The following HECTD3 variants were observed in gnomAD, a reference collection of about 807,000 sequenced individuals.
HECTD3 encodes the protein HECT domain E3 ubiquitin protein ligase 3.
In HECTD3, 72 loss-of-function variants were observed where a neutral mutation model predicts 109.3. The observed-to-expected ratio is 0.66, with a 90% confidence interval of 0.54 to 0.80. The LOEUF is 0.80. Among genes scored for constraint, HECTD3 ranks in the 30% least tolerant of loss-of-function variants. HECTD3 has a pLI of 0.00. For missense variants in HECTD3, 1,041 were observed against 1,165.2 expected (o/e 0.89, Z 1.55); for synonymous variants, 481 against 471.8 (o/e 1.02, Z -0.25).
At position 45,011,241 on chromosome 1, in the gene HECTD3, G is replaced by A. The variant is rs1024728376; in HGVS notation, c.17C>T (p.Pro6Leu). The change falls in exon 1 of 21, where the codon CCG (proline) becomes CTG (leucine). Residue 6 changes from proline (P) to leucine (L), a missense_variant. Around this residue, in one of 2 missense-constraint regions of HECTD3, gnomAD observed 472 missense variants for 449.9 expected, o/e 1.05. Transcript: ENST00000372172. Reference sequence around the variant, plus strand: ...CCGGGGGGACTCCAGCACCGCGCCCGGGCCAGGACCCGCCATGGCGAAGTG... The same window carrying A: ...CCGGGGGGACTCCAGCACCGCGCCCAGGCCAGGACCCGCCATGGCGAAGTG... MAGPGPGAVLESPRQL... is the reference protein window; with the variant it reads MAGPGLGAVLESPRQL... 3 of 1,366,570 alleles carry A rather than the reference G, an allele frequency of 2.2e-6. No individual in the cohort carries two copies. Among genetic ancestry groups the A allele is most frequent in the Admixed American group, 3.9e-5 (1 of 25,926 alleles). The allele number at this position is 1,366,570 out of a possible 1,614,324, so 84.7% of individuals were successfully genotyped here.
Position 45,010,908 on chromosome 1 carries a change from A to C in HECTD3, c.350T>G (p.Leu117Arg), listed in dbSNP as rs1644785357. ...TGEELCNGHGLWVKLTKEQLA... is the reference protein window; with the variant it reads ...TGEELCNGHGRWVKLTKEQLA... The stretch of plus-strand genomic sequence containing the variant: ...GCGCACCTTTGTCAGCTTCACCCAG[A>C]GCCCGTGGCCATTGCACAGCTCCTC... Residue 117 changes from leucine (L) to arginine (R), a missense_variant, in exon 1 of 21, where the codon CTC becomes CGC. Leu to Arg is a moderately radical substitution (Grantham distance 102, BLOSUM62 -2). Transcript: ENST00000372172. 1 of 1,540,234 alleles carries C rather than the reference A, an allele frequency of 6.5e-7. No individual in the cohort carries two copies. The highest frequency in any genetic ancestry group is 2.3e-5 in the East Asian group (1 of 43,558).
intron 11 of HECTD3, 72 bp downstream of exon 11, chr1:45,007,142 GTGTGT>G: frequency 7.0e-7 from 1 of 1,431,106 alleles, no homozygotes; most frequent in Non-Finnish European, 9.8e-7. Flanking sequence ...GTGTGTGTGT[GTGTGT>G]GTGTGTGTGT....
In HECTD3 at chr1:45,006,229, A is replaced by C; in HGVS notation, c.1726-113T>G. On this transcript the variant is annotated intron_variant, in intron 13 of 20. Coordinates refer to ENST00000372172, the MANE Select transcript of HECTD3 (RefSeq NM_024602.6). This position sits in a 1 kb window ranked among gnomAD's most constrained non-coding sequence, Gnocchi z 4.7. ...ACATTTTCCACTAAATGATCCCTTCAAATGCACAGTGGCTCCTCCTCTCCC... is the reference window on the plus strand; with the variant it reads ...ACATTTTCCACTAAATGATCCCTTCCAATGCACAGTGGCTCCTCCTCTCCC... 1 of 1,384,466 alleles carries C rather than the reference A, an allele frequency of 7.2e-7. No individual in the cohort carries two copies. The allele number at this position is 1,384,466 out of a possible 1,614,324, so 85.8% of individuals were successfully genotyped here.
chr1:45,008,057 G>C (rs1644751607), intron 9 of HECTD3, among the ~76,000 whole-genome samples, 183 bp downstream of exon 9: 1 of 152,222 alleles, frequency 6.6e-6, no homozygotes, highest in Admixed American at 6.5e-5. Context: ...GGAATACCAA[G>C]GAGGCTGGGG....
intron 17 of HECTD3, 42 bp downstream of exon 17, chr1:45,004,206 T>C (rs1306302208): frequency 3.1e-6 from 5 of 1,613,968 alleles, no homozygotes; most frequent in East Asian, 2.2e-5. Flanking sequence ...ACCCCTGTGC[T>C]GTGCTGTGCT....
chr1:45,011,300 G>T lies in HECTD3; in HGVS notation c.-43C>A. On this transcript the variant is annotated 5_prime_UTR_variant, in exon 1 of 21. Transcript: ENST00000372172. The stretch of plus-strand genomic sequence containing the variant: ...GAGCACCTAGAGGCGACCCTGCCCG[G>T]GGAACAGCTGGCGCGACCGCGGACA... 1 of 1,350,354 alleles carries T rather than the reference G, an allele frequency of 7.4e-7. No homozygotes were observed. The highest frequency in any genetic ancestry group is 3.1e-5 in the East Asian group (1 of 32,398). The allele number at this position is 1,350,354 out of a possible 1,614,324, so 83.6% of individuals were successfully genotyped here.
rs747294051 is a variant in HECTD3 at position 45,003,763 on chromosome 1, G to C, written c.2430-23C>G. On this transcript the variant is annotated intron_variant, in intron 19 of 20. Coordinates refer to ENST00000372172, the MANE Select transcript of HECTD3 (RefSeq NM_024602.6). The surrounding 1 kb of genome is among the most constrained non-coding windows in gnomAD (Gnocchi z 4.7). ...TAGCTGGGGGCATTGAGGGACCATA[G>C]GTCAGGAAGATGTGTTGGGGCACAT... is the stretch of plus-strand genomic sequence containing the variant. The C allele has an allele frequency of 3.1e-6, 5 of 1,613,740 alleles. No individual in the cohort carries two copies. The African/African-American group carries it at 4.0e-5, about 13-fold the overall frequency.
rs759207210 is a variant in HECTD3 at position 45,005,783 on chromosome 1, G to T, written c.1935+11C>A. 5 of 1,574,738 alleles carry T rather than the reference G, an allele frequency of 3.2e-6. No homozygotes were observed. In the South Asian group the frequency reaches 6.0e-5, roughly 19 times the overall value. ...TGGGCAGAGGAAACACTGGTTCCAG[G>T]TCCTACTCACCAGCACAGAGTCCAC... is the stretch of plus-strand genomic sequence containing the variant. On this transcript the variant is annotated intron_variant, in intron 15 of 20. Transcript: ENST00000372172.
In HECTD3 at chr1:45,003,793, G is replaced by A. The variant is rs566884520; in HGVS notation, c.2430-53C>T. On this transcript the variant is annotated intron_variant, in intron 19 of 20. Transcript: ENST00000372172. The surrounding 1 kb of genome is among the most constrained non-coding windows in gnomAD (Gnocchi z 4.7). ...GGAAGATGTGTTGGGGCACATGTACGTGTGTGGGGAGGGAGGACAGAAGGC... is the reference window on the plus strand; with the variant it reads ...GGAAGATGTGTTGGGGCACATGTACATGTGTGGGGAGGGAGGACAGAAGGC... 269 of 1,611,532 alleles carry A rather than the reference G, an allele frequency of 1.7e-4. 1 individual carries two copies. Among genetic ancestry groups the A allele is most frequent in the Non-Finnish European group, 2.6e-5 (31 of 1,177,648 alleles).
chr1:45,005,945 T>C, intron 14 of HECTD3, 52 bp downstream of exon 14: 2 of 1,607,658 alleles, frequency 1.2e-6, no homozygotes, highest in Non-Finnish European at 8.5e-7. Context: ...GGCTGGCCTT[T>C]CCTTCCAAGG....
chr1:45,010,118 A>G lies in HECTD3; in HGVS notation c.627T>C (p.Tyr209=), dbSNP rs941842654. 10 of 1,610,896 alleles carry G rather than the reference A, an allele frequency of 6.2e-6. No individual in the cohort carries two copies. The highest frequency in any genetic ancestry group is 7.6e-6 in the Non-Finnish European group (9 of 1,177,582). ...AYAEAVQRLL[Y]VPPTWTYECD... ...ACTCGTAGGTCCATGTCGGGGGTAC[A>G]TAGCTAAGCAACCCCAAGCCCCTAA... is the stretch of plus-strand genomic sequence containing the variant. Residue 209 remains tyrosine, a synonymous_variant, in exon 4 of 21, where the codon TAT becomes TAC. Transcript: ENST00000372172.
Position 45,003,986 on chromosome 1 carries a change from A to G in HECTD3, c.2348-50T>C. 6 of 1,612,910 alleles carry G rather than the reference A, an allele frequency of 3.7e-6. No homozygotes were observed. The highest frequency in any genetic ancestry group is 5.1e-6 in the Non-Finnish European group (6 of 1,179,010). On this transcript the variant is annotated intron_variant, in intron 18 of 20. Transcript: ENST00000372172. The surrounding 1 kb of genome is among the most constrained non-coding windows in gnomAD (Gnocchi z 4.7). Reference sequence around the variant, plus strand: ...CTGCATGGATGGTGAGGGAGGGTCTACAACTTCTACCCTGCCTCTGCAACT... The same window carrying G: ...CTGCATGGATGGTGAGGGAGGGTCTGCAACTTCTACCCTGCCTCTGCAACT...
Position 45,006,889 on chromosome 1 carries a change from A to G in HECTD3, c.1621+62T>C. On this transcript the variant is annotated intron_variant, in intron 12 of 20. Coordinates refer to ENST00000372172, the MANE Select transcript of HECTD3 (RefSeq NM_024602.6). The surrounding 1 kb of genome is among the most constrained non-coding windows in gnomAD (Gnocchi z 4.7). The stretch of plus-strand genomic sequence containing the variant: ...CCCCCATCATCATTAGCTGGTGAAA[A>G]GCCTCTACCACTTTGATAGGGCAGC... The G allele has an allele frequency of 6.3e-7, 1 of 1,597,978 alleles. No individual in the cohort carries two copies. Among genetic ancestry groups the G allele is most frequent in the East Asian group, 2.2e-5 (1 of 44,786 alleles).
rs765214024 is a variant in HECTD3 at position 45,008,684 on chromosome 1, G to A, written c.1090C>T (p.Arg364Cys). Residue 364 changes from arginine to cysteine, a missense_variant, in exon 8 of 21, where the codon CGT becomes TGT. Physicochemically the swap from Arg to Cys is radical, Grantham distance 180. Coordinates refer to ENST00000372172, the MANE Select transcript of HECTD3 (RefSeq NM_024602.6). ...VECRDDGIDVRLRGVKIKSSR... is the reference protein window; with the variant it reads ...VECRDDGIDVCLRGVKIKSSR... ...GACTTGATCTTGACCCCTCGGAGACGAACATCAATCCCATCATCTGGGGGA... is the reference window on the plus strand; with the variant it reads ...GACTTGATCTTGACCCCTCGGAGACAAACATCAATCCCATCATCTGGGGGA... 1.1e-5 allele frequency: 18 copies of A among 1,613,470 alleles called. No individual in the cohort carries two copies. The highest frequency in any genetic ancestry group is 1.2e-5 in the Non-Finnish European group (14 of 1,179,832).
Position 45,007,201 on chromosome 1 carries a change from C to T in HECTD3, c.1556+18G>A. 3 of 1,608,090 alleles carry T rather than the reference C, an allele frequency of 1.9e-6. No homozygotes were observed. Among genetic ancestry groups the T allele is most frequent in the East Asian group, 4.5e-5 (2 of 44,780 alleles). ...ACAAACAGGTGTCCCGAGTAAGTCCCTCACTCTCATGCCATACCTGTAGTC... is the reference window on the plus strand; with the variant it reads ...ACAAACAGGTGTCCCGAGTAAGTCCTTCACTCTCATGCCATACCTGTAGTC... On this transcript the variant is annotated intron_variant, in intron 11 of 20. Transcript: ENST00000372172.
rs963146783 is a variant in HECTD3, at chr1:45,004,689, C to G, written c.2053G>C (p.Gly685Arg). 7 of 1,614,080 alleles carry G rather than the reference C, an allele frequency of 4.3e-6. No individual in the cohort carries two copies. In the Admixed American group the frequency reaches 8.3e-5, roughly 19 times the overall value. ...SDQQVVELIP[G>R]GAGIVVGYGD... Reference sequence around the variant, plus strand: ...TATCCCACGACGATGCCTGCACCCCCAGGGATCAGCTCCACCACCTGTTGG... The same window carrying G: ...TATCCCACGACGATGCCTGCACCCCGAGGGATCAGCTCCACCACCTGTTGG... Residue 685 changes from glycine (G) to arginine (R), a missense_variant, in exon 16 of 21, where the codon GGG (glycine) becomes CGG (arginine). Gly to Arg is a moderately radical substitution (Grantham distance 125). Transcript: ENST00000372172.
rs368672097 is a variant in HECTD3, at chr1:45,004,636, C to G, written c.2106G>C (p.Leu702=). The G allele has an allele frequency of 6.2e-7, 1 of 1,614,184 alleles. No individual in the cohort carries two copies. Among genetic ancestry groups the G allele is most frequent in the Non-Finnish European group, 8.5e-7 (1 of 1,180,026 alleles). The part of the protein sequence containing the change: ...GYGDRSRFIQ[L]VQKARLEESK... ...TCTCCTCTAGCCGTGCCTTCTGGAC[C>G]AGTTGGATGAAACGAGAACGGTCCC... The change falls in exon 16 of 21, where the codon CTG becomes CTC. Residue 702 remains leucine (L), a synonymous_variant. Coordinates refer to ENST00000372172, the MANE Select transcript of HECTD3 (RefSeq NM_024602.6).
intron 6 of HECTD3, 38 bp from the exon 7 acceptor site, chr1:45,009,264 G>T: frequency 1.3e-6 from 2 of 1,567,566 alleles, no homozygotes; most frequent in Non-Finnish European, 1.8e-6. Context: ...GATACCTCCT[G>T]CCTCAGGCCT....
In HECTD3 at chr1:45,007,581, G is replaced by C; in HGVS notation, c.1335C>G (p.Phe445Leu). The C allele has an allele frequency of 1.2e-6, 2 of 1,610,448 alleles. No homozygotes were observed. The highest frequency in any genetic ancestry group is 1.7e-6 in the Non-Finnish European group (2 of 1,179,814). ...TFSEIKQVKQ[F>L]LLLSRQRPGL... ...CTGGCCGCTGGCGGGACAGCAGTAG[G>C]AACTGCTTCACTTGCTAGTGAGGAG... is the stretch of plus-strand genomic sequence containing the variant. Residue 445 changes from phenylalanine to leucine, a missense_variant, in exon 10 of 21, where the codon TTC becomes TTG. By Grantham distance (22) the Phe-to-Leu change is conservative (BLOSUM62 0). Transcript: ENST00000372172.
Sources: allele counts gnomAD v4.1 joint callset (sites outside exome capture counted in the v4.1 genomes callset), GRCh38; gene constraint gnomAD v4.1.1; regional missense constraint gnomAD v4.1.1; non-coding constraint Gnocchi (gnomAD v3.1); transcripts MANE v1.5; gene names NCBI Gene and HGNC (gene_info 2026-07-23, HGNC 2026-07-21).